The following TMEM164 variants were observed in gnomAD, a reference collection of about 807,000 sequenced individuals.
TMEM164 encodes the protein RP13-360B22.2.
Under a neutral mutation model 18.8 loss-of-function variants are expected in TMEM164, and 4 were observed. The ratio of observed to expected loss-of-function variants is 0.21; its 90% CI spans 0.10 to 0.49. The LOEUF (loss-of-function observed/expected upper bound fraction) is 0.49. TMEM164 is among the 20% of genes least tolerant of loss of function. The pLI is 0.98. For synonymous variants in TMEM164, 86 were observed against 101.7 expected, an observed-to-expected ratio of 0.85 and a Z score of 0.93; for missense variants, 108 against 239.9, an observed-to-expected ratio of 0.45 and a Z score of 3.63.
intron 2 of TMEM164, among the ~76,000 whole-genome samples, chrX:110,014,769 C>CTTTTTTTTTTTTTTTTTTTT (rs1933236595): frequency 3.1e-5 from 1 of 32,607 alleles, no homozygotes; most frequent in Non-Finnish European, 5.8e-5. Context: ...TTTTTTTTTA[C>CTTTTTTTTTTTTTTTTTTTT]TTTTTCATTT....
At chrX:110,155,143 A>T (rs932076733) in intron 5 of TMEM164, among the ~76,000 whole-genome samples, 15 of 111,422 alleles carry the variant, frequency 1.3e-4, no homozygotes, top group Admixed American at 9.5e-5. Flanking sequence ...CCTTGCATGA[A>T]CTGAGAGCAT....
intron 2 of TMEM164, among the ~76,000 whole-genome samples, chrX:110,016,780 C>T (rs181886405): frequency 9.0e-6 from 1 of 110,608 alleles, no homozygotes; most frequent in East Asian, 2.8e-4. Context: ...ACTCAGCCTC[C>T]CAAGTAGCTG....
chrX:110,079,667 A>G (rs1602582930), intron 3 of TMEM164, among the ~76,000 whole-genome samples: 2 of 111,667 alleles, frequency 1.8e-5, no homozygotes, highest in South Asian at 3.7e-4. Context: ...AGCTGAGCCA[A>G]TTGAGATGTC....
intron 4 of TMEM164, among the ~76,000 whole-genome samples, chrX:110,117,211 A>G (rs1183096766): frequency 8.9e-6 from 1 of 111,808 alleles, no homozygotes; most frequent in Non-Finnish European, 1.9e-5. Context: ...TGACAGAACT[A>G]GCATGAAAAC....
At chrX:110,059,842 C>T (rs1203589258) in intron 2 of TMEM164, among the ~76,000 whole-genome samples, 1 of 111,271 alleles carries the variant, frequency 9.0e-6, no homozygotes, top group Admixed American at 9.6e-5. Flanking sequence ...GATTGGACAC[C>T]CGTGAATTAG....
intron 5 of TMEM164, among the ~76,000 whole-genome samples, chrX:110,168,237 A>G (rs945982692): frequency 8.8e-6 from 1 of 113,065 alleles, no homozygotes; most frequent in African/African-American, 3.2e-5. Flanking sequence ...TGCCCAGTCC[A>G]CACTCATTCA....
At chrX:110,128,741 T>C (rs1200940548) in intron 4 of TMEM164, among the ~76,000 whole-genome samples, 2 of 112,143 alleles carry the variant, frequency 1.8e-5, no homozygotes, top group Admixed American at 1.9e-4. Context: ...TGTATTGCAC[T>C]TTGGCTAATT....
intron 2 of TMEM164, among the ~76,000 whole-genome samples, chrX:110,037,112 T>TAG (rs201255587): frequency 9.6e-4 from 102 of 106,379 alleles, no homozygotes; most frequent in African/African-American, 2.6e-3. Context: ...GGTAGAGCCG[T>TAG]AGAGAGAGAG....
intron 3 of TMEM164, among the ~76,000 whole-genome samples, chrX:110,085,659 C>T (rs1602594792): frequency 9.0e-6 from 1 of 111,145 alleles, no homozygotes; most frequent in East Asian, 2.8e-4. Flanking sequence ...GTCAGCTACT[C>T]ATCTAGTGGG....
rs1197771628 is a variant in TMEM164, at chrX:110,177,015, G to A, written c.*3564G>A. ...GCCCATCCTGCCCGCTTTGTGGCGG[G>A]TAGAGTCAGTGACAGGGAGGCAGCC... On this transcript the variant is annotated 3_prime_UTR_variant, in exon 7 of 7. Coordinates refer to ENST00000372068, the MANE Select transcript of TMEM164 (RefSeq NM_032227.4). 9.0e-6 allele frequency: 1 copy of A among 111,717 alleles called. No individual in the cohort carries two copies. Among genetic ancestry groups the A allele is most frequent in the Non-Finnish European group, 1.9e-5 (1 of 52,974 alleles). The allele number at this position is 111,717 out of a possible 1,213,427, so 9.2% of individuals were successfully genotyped here.
chrX:110,118,613 G>A (rs928141415), intron 4 of TMEM164, among the ~76,000 whole-genome samples: 9 of 111,085 alleles, frequency 8.1e-5, no homozygotes, highest in Non-Finnish European at 1.5e-4. Flanking sequence ...GTGGATTATC[G>A]CTGGACACCA....
In TMEM164 at chrX:110,103,883, T is replaced by G. The variant is rs779724903; in HGVS notation, c.441-5197T>G. ...GAAAACATGAGGGAAGGGTCGACCC[T>G]TGAACAACATGGGTTTGAGCTATGC... On this transcript the variant is annotated intron_variant, in intron 3 of 6. Transcript: ENST00000372068. Among the ~76,000 whole-genome samples the G allele has an allele frequency of 7.2e-5, 8 of 111,080 alleles. No homozygotes were observed. The South Asian group carries it at 2.7e-3, about 37-fold the overall frequency.
intron 5 of TMEM164, among the ~76,000 whole-genome samples, chrX:110,150,123 C>G: frequency 8.9e-6 from 1 of 112,232 alleles, no homozygotes; most frequent in Non-Finnish European, 1.9e-5. Context: ...GGAACATGCT[C>G]TTATGAGAAC....
intron 3 of TMEM164, among the ~76,000 whole-genome samples, chrX:110,079,136 C>G: frequency 9.0e-6 from 1 of 111,138 alleles, no homozygotes; most frequent in Admixed American, 9.6e-5. Flanking sequence ...AGAGCCATGT[C>G]AGGACTTTGA....
At chrX:110,126,547 A>G (rs1229083890) in intron 4 of TMEM164, among the ~76,000 whole-genome samples, 1 of 111,912 alleles carries the variant, frequency 8.9e-6, no homozygotes, top group Non-Finnish European at 1.9e-5. Flanking sequence ...GAGCACAAAC[A>G]ATGGAAACAT....
chrX:110,122,000 T>A (rs1172086308), intron 4 of TMEM164, among the ~76,000 whole-genome samples: 1 of 112,095 alleles, frequency 8.9e-6, no homozygotes, highest in Non-Finnish European at 1.9e-5. Flanking sequence ...AGTCTGAAAA[T>A]CTGAAGTGCT....
intron 2 of TMEM164, among the ~76,000 whole-genome samples, chrX:110,056,898 T>C (rs1447471186): frequency 4.6e-5 from 5 of 109,292 alleles, no homozygotes; most frequent in Non-Finnish European, 3.8e-5. Context: ...TTTAATACTT[T>C]AGCTATTTTT....
chrX:110,097,099 G>A (rs889596011), intron 3 of TMEM164, among the ~76,000 whole-genome samples: 2 of 111,815 alleles, frequency 1.8e-5, no homozygotes, highest in African/African-American at 6.5e-5. Context: ...CGCCTCCTGA[G>A]TAGCTGGGAT....
intron 2 of TMEM164, among the ~76,000 whole-genome samples, chrX:110,027,372 A>G (rs1051338679): frequency 8.9e-6 from 1 of 111,837 alleles, no homozygotes; most frequent in African/African-American, 3.3e-5. Context: ...TTGTCTCTGT[A>G]CTTCCCAGAA....
Sources: gnomAD v4.1 joint callset for allele counts (sites outside exome capture counted in the v4.1 genomes callset) on GRCh38, gnomAD v4.1.1 for gene constraint, MANE v1.5 for transcripts, NCBI Gene and HGNC (gene_info 2026-07-23, HGNC 2026-07-21) for gene names.